OTX1: variants seen among roughly 807,000 people sequenced by gnomAD.
The protein encoded by OTX1 is homeobox protein OTX1.
A neutral mutation model predicts 26.7 loss-of-function variants in OTX1; 7 were observed. The observed-to-expected ratio is 0.26, with a 90% CI of 0.15 to 0.49. The LOEUF is 0.49. Among genes scored for constraint, OTX1 ranks in the 20% least tolerant of loss-of-function variants. The pLI is 0.98. For synonymous variants in OTX1, 216 were observed against 212.8 expected (o/e 1.01, Z -0.13); for missense variants, 414 against 483.8 (o/e 0.86, Z 1.35).
rs1451735528 is a variant in OTX1 at position 63,054,147 on chromosome 2, C to T, written c.198C>T (p.Phe66=). ...CCAAGACTCGCTACCCTGACATCTT[C>T]ATGCGGGAGGAGGTGGCGCTCAAGA... is the stretch of plus-strand genomic sequence containing the variant. ...LFAKTRYPDI[F]MREEVALKIN... The change falls in exon 4 of 5, where the codon TTC becomes TTT. Residue 66 remains phenylalanine (F), a synonymous_variant. Coordinates refer to ENST00000282549, the MANE Select transcript of OTX1 (RefSeq NM_014562.4). 6.2e-7 allele frequency: 1 copy of T among 1,611,606 alleles called. No individual in the cohort carries two copies.
rs2062055570 is a variant in OTX1, at chr2:63,055,344, G to T, written c.250-157G>T. On this transcript the variant is annotated intron_variant, in intron 4 of 4. Coordinates refer to ENST00000282549, the MANE Select transcript of OTX1 (RefSeq NM_014562.4). This position sits in a 1 kb window ranked among gnomAD's most constrained non-coding sequence, Gnocchi z 5.2. ...GTGGAGGAGCTGGGAACCGAGGTAG[G>T]GGGCAGGGTCTGGCCAGGCCAGAGA... Among the ~76,000 whole-genome samples, 1 of 152,222 alleles carries T rather than the reference G, an allele frequency of 6.6e-6. No individual in the cohort carries two copies. Among genetic ancestry groups the T allele is most frequent in the African/African-American group, 2.4e-5 (1 of 41,460 alleles).
Position 63,056,343 on chromosome 2 carries a change from C to A in OTX1, c.*27C>A, listed in dbSNP as rs775767424. On this transcript the variant is annotated 3_prime_UTR_variant, in exon 5 of 5. Transcript: ENST00000282549. ...CCCAGGAATGAAAGAGGAGAAGAAA[C>A]GCAACTACCTGCGCCCTCCGTGGTC... 6.3e-7 allele frequency: 1 copy of A among 1,575,328 alleles called. No individual in the cohort carries two copies. Among genetic ancestry groups the A allele is most frequent in the South Asian group, 1.1e-5 (1 of 87,722 alleles).
At chr2:63,051,144 T>C (rs572713545) in intron 1 of OTX1, 105 bp from the exon 2 acceptor site, 5 of 152,274 alleles carry the variant, frequency 3.3e-5, no homozygotes, top group South Asian at 2.1e-4. Flanking sequence ...CACAAAGCCA[T>C]TGAAAAAAAA....
chr2:63,055,833 G>A lies in OTX1; in HGVS notation c.582G>A (p.Pro194=). Reference sequence around the variant, plus strand: ...CAGCGCCCGCGTCCGTGTCGGTGCCGGAGCCATTGGCCGCGCCTAGCAACA... The same window carrying A: ...CAGCGCCCGCGTCCGTGTCGGTGCCAGAGCCATTGGCCGCGCCTAGCAACA... ...PGSAPASVSV[P]EPLAAPSNTS... The change falls in exon 5 of 5, where the codon CCG becomes CCA. Residue 194 remains proline, a synonymous_variant. Coordinates refer to ENST00000282549, the MANE Select transcript of OTX1 (RefSeq NM_014562.4). This position sits in a 1 kb window ranked among gnomAD's most constrained non-coding sequence, Gnocchi z 5.2. The A allele has an allele frequency of 1.2e-6, 2 of 1,612,090 alleles. No homozygotes were observed. The highest frequency in any genetic ancestry group is 1.7e-6 in the Non-Finnish European group (2 of 1,179,764).
rs2062056058 is a variant in OTX1, at chr2:63,055,402, T to C, written c.250-99T>C. The C allele has an allele frequency of 1.5e-6, 2 of 1,304,094 alleles. No individual in the cohort carries two copies. Among genetic ancestry groups the C allele is most frequent in the African/African-American group, 1.5e-5 (1 of 67,590 alleles). The allele number at this position is 1,304,094 out of a possible 1,614,324, so 80.8% of individuals were successfully genotyped here. A position where few individuals can be genotyped will look rare whatever the true frequency, so the allele number is the denominator to read the frequency against. The stretch of plus-strand genomic sequence containing the variant: ...GGGCGGAGGCCTCGGTGAGAAAGGA[T>C]TGCGATATTCTGGACCGGGAGTTGG... On this transcript the variant is annotated intron_variant, in intron 4 of 4. Transcript: ENST00000282549. This position sits in a 1 kb window ranked among gnomAD's most constrained non-coding sequence, Gnocchi z 5.2.
At chr2:63,050,264 C>A (rs2062013823), upstream of OTX1, 1 of 152,194 alleles carries the variant, frequency 6.6e-6, no homozygotes, top group Admixed American at 6.5e-5. Context: ...AAGTAGCCTG[C>A]GCCGGCACGA....
chr2:63,055,880 T>C lies in OTX1; in HGVS notation c.629T>C (p.Val210Ala). ...AACACCTCGTGTATGCAGCGCTCCG[T>C]AGCTGCAGGCGCCGCCACCGCAGCA... ...PSNTSCMQRSVAAGAATAAAS... is the reference protein window; with the variant it reads ...PSNTSCMQRSAAAGAATAAAS... The change falls in exon 5 of 5, where the codon GTA becomes GCA. Residue 210 changes from valine (V) to alanine (A), a missense_variant. Physicochemically the swap from Val to Ala is moderately conservative, Grantham distance 64 (BLOSUM62 0). Coordinates refer to ENST00000282549, the MANE Select transcript of OTX1 (RefSeq NM_014562.4). The surrounding 1 kb of genome is among the most constrained non-coding windows in gnomAD (Gnocchi z 5.2). The C allele has an allele frequency of 1.2e-6, 2 of 1,612,118 alleles. No homozygotes were observed. Among genetic ancestry groups the C allele is most frequent in the Non-Finnish European group, 1.7e-6 (2 of 1,179,862 alleles).
rs1464567850 is a variant in OTX1 at position 63,054,190 on chromosome 2, A to G, written c.241A>G (p.Arg81Gly). The G allele has an allele frequency of 6.3e-7, 1 of 1,599,772 alleles. No homozygotes were observed. Among genetic ancestry groups the G allele is most frequent in the Non-Finnish European group, 8.5e-7 (1 of 1,172,256 alleles). ...GCTCAAGATCAACCTGCCGGAGTCT[A>G]GAGTCCAGGTGCGCACTCCCCGGGC... ...VALKINLPES[R>G]VQVWFKNRRA... The change falls in exon 4 of 5, where the codon AGA (arginine) becomes GGA (glycine). Residue 81 changes from arginine to glycine, a missense_variant. Coordinates refer to ENST00000282549, the MANE Select transcript of OTX1 (RefSeq NM_014562.4).
chr2:63,056,286 C>G lies in OTX1; in HGVS notation c.1035C>G (p.Asp345Glu), dbSNP rs754549846. Residue 345 changes from aspartate to glutamate, a missense_variant, in exon 5 of 5, where the codon GAC becomes GAG. Physicochemically the swap from Asp to Glu is conservative, Grantham distance 45. Coordinates refer to ENST00000282549, the MANE Select transcript of OTX1 (RefSeq NM_014562.4). ...FNSPDCLDYK[D>E]QASWRFQVL ...CCCCCGACTGTCTGGACTATAAGGACCAAGCCTCATGGCGGTTCCAGGTCT... is the reference window on the plus strand; with the variant it reads ...CCCCCGACTGTCTGGACTATAAGGAGCAAGCCTCATGGCGGTTCCAGGTCT... 2.5e-6 allele frequency: 4 copies of G among 1,613,678 alleles called. No individual in the cohort carries two copies. In the African/African-American group the frequency reaches 5.3e-5, roughly 22 times the overall value.
intron 1 of OTX1, 113 bp from the exon 2 acceptor site, chr2:63,051,136 C>T (rs1206194762): frequency 6.6e-6 from 1 of 152,320 alleles, no homozygotes; most frequent in Non-Finnish European, 1.5e-5. Flanking sequence ...AGGACACGCA[C>T]AAAGCCATTG....
In OTX1 at chr2:63,057,416, C is replaced by CT. The variant is rs2062076402; in HGVS notation, c.*1101dup. ...TGGGCAGGGGCGCAGGGCTGACCCC[C>CT]TCACCCGGTCTAAGCACAGGGTCGC... On this transcript the variant is annotated 3_prime_UTR_variant, in exon 5 of 5. Transcript: ENST00000282549. 5 of 152,212 alleles carry CT rather than the reference C, an allele frequency of 3.3e-5. No homozygotes were observed. Among genetic ancestry groups the CT allele is most frequent in the Admixed American group, 1.3e-4 (2 of 15,280 alleles). 9.4% of individuals were successfully genotyped at this position (152,212 alleles called of 1,614,324 possible).
At position 63,052,975 on chromosome 2, in the gene OTX1, C is replaced by T. The variant is rs768081039; in HGVS notation, c.-16C>T. The T allele has an allele frequency of 4.4e-6, 7 of 1,598,480 alleles. No homozygotes were observed. The highest frequency in any genetic ancestry group is 4.0e-5 in the African/African-American group (3 of 74,364). ...GCCCCCTGGATCCGTCGGGGCGCCT[C>T]CACCCAGCTGTTAGCATGATGTCTT... is the stretch of plus-strand genomic sequence containing the variant. On this transcript the variant is annotated 5_prime_UTR_variant, in exon 3 of 5. Coordinates refer to ENST00000282549, the MANE Select transcript of OTX1 (RefSeq NM_014562.4).
rs1190395793 is a variant in OTX1, at chr2:63,055,574, C to G, written c.323C>G (p.Ala108Gly). 1.2e-6 allele frequency: 2 copies of G among 1,614,162 alleles called. No homozygotes were observed. The highest frequency in any genetic ancestry group is 4.5e-5 in the East Asian group (2 of 44,880). Residue 108 changes from alanine (A) to glycine (G), a missense_variant, in exon 5 of 5, where the codon GCC (alanine) becomes GGC (glycine). Around this residue, in one of 3 missense-constraint regions of OTX1, gnomAD observed 320 missense variants for 347.9 expected, o/e 0.92. Coordinates refer to ENST00000282549, the MANE Select transcript of OTX1 (RefSeq NM_014562.4). This position sits in a 1 kb window ranked among gnomAD's most constrained non-coding sequence, Gnocchi z 5.2. ...QSGSGTKSRPAKKKSSPVRES... is the reference protein window; with the variant it reads ...QSGSGTKSRPGKKKSSPVRES... ...GGGAGCGGAACCAAGAGCCGCCCAG[C>G]CAAGAAGAAGTCCTCTCCAGTGCGG... is the stretch of plus-strand genomic sequence containing the variant.
At position 63,055,735 on chromosome 2, in the gene OTX1, G is replaced by A. The variant is rs1020625784; in HGVS notation, c.484G>A (p.Val162Met). 8.7e-6 allele frequency: 14 copies of A among 1,612,532 alleles called. No homozygotes were observed. The highest frequency in any genetic ancestry group is 1.3e-5 in the African/African-American group (1 of 74,940). ...GGCTGCGGGACTAGGTGGGAACCCG[G>A]TGGCGGCCGCGTCGTCGCTGAGTAC... is the stretch of plus-strand genomic sequence containing the variant. ...AAAAGLGGNP[V>M]AAASSLSTPA... Residue 162 changes from valine to methionine, a missense_variant, in exon 5 of 5, where the codon GTG becomes ATG. Physicochemically the swap from Val to Met is conservative, Grantham distance 21. Coordinates refer to ENST00000282549, the MANE Select transcript of OTX1 (RefSeq NM_014562.4). This position sits in a 1 kb window ranked among gnomAD's most constrained non-coding sequence, Gnocchi z 5.2.
Position 63,056,345 on chromosome 2 carries a change from C to T in OTX1, c.*29C>T. 1 of 1,567,092 alleles carries T rather than the reference C, an allele frequency of 6.4e-7. No homozygotes were observed. The highest frequency in any genetic ancestry group is 2.2e-5 in the East Asian group (1 of 44,478). ...CAGGAATGAAAGAGGAGAAGAAACG[C>T]AACTACCTGCGCCCTCCGTGGTCCC... On this transcript the variant is annotated 3_prime_UTR_variant, in exon 5 of 5. Transcript: ENST00000282549.
intron 4 of OTX1, among the ~76,000 whole-genome samples, chr2:63,054,437 G>C (rs2062049128): frequency 6.6e-6 from 1 of 152,368 alleles, no homozygotes; most frequent in African/African-American, 2.4e-5. Context: ...CTTCGGTGTC[G>C]GTATCGAAAG....
chr2:63,055,969 T>C lies in OTX1; in HGVS notation c.718T>C (p.Ser240Pro). ...CGGCCAAGGCTACCCTACGCCCTCC[T>C]CTTCCTACTTTGGCGGCGTGGACTG... ...SYGQGYPTPS[S>P]SYFGGVDCSS... The change falls in exon 5 of 5, where the codon TCT becomes CCT. Residue 240 changes from serine (S) to proline (P), a missense_variant. Transcript: ENST00000282549. The surrounding 1 kb of genome is among the most constrained non-coding windows in gnomAD (Gnocchi z 5.2). 1 of 1,613,662 alleles carries C rather than the reference T, an allele frequency of 6.2e-7. No homozygotes were observed. The highest frequency in any genetic ancestry group is 8.5e-7 in the Non-Finnish European group (1 of 1,180,030).
At chr2:63,051,225 T>A (rs1047337682) in intron 1 of OTX1, 24 bp from the exon 2 acceptor site, 3 of 152,394 alleles carry the variant, frequency 2.0e-5, no homozygotes, top group Admixed American at 6.5e-5. Flanking sequence ...GCCAGGGTAA[T>A]TCCAGTGCTG....
rs779460352 is a variant in OTX1 at position 63,055,607 on chromosome 2, C to T, written c.356C>T (p.Ser119Leu). The change falls in exon 5 of 5, where the codon TCG becomes TTG. Residue 119 changes from serine (S) to leucine (L), a missense_variant. Transcript: ENST00000282549. This position sits in a 1 kb window ranked among gnomAD's most constrained non-coding sequence, Gnocchi z 5.2. ...KKKSSPVRES[S>L]GSESSGQFTP... ...AAGTCCTCTCCAGTGCGGGAGAGCT[C>T]GGGCTCCGAAAGCAGTGGCCAATTC... The T allele has an allele frequency of 1.2e-6, 2 of 1,614,164 alleles. No homozygotes were observed. The highest frequency in any genetic ancestry group is 2.2e-5 in the East Asian group (1 of 44,880).
Sources: allele counts gnomAD v4.1 joint callset (sites outside exome capture counted in the v4.1 genomes callset), GRCh38; gene constraint gnomAD v4.1.1; regional missense constraint gnomAD v4.1.1; non-coding constraint Gnocchi (gnomAD v3.1); transcripts MANE v1.5; gene names NCBI Gene and HGNC (gene_info 2026-07-23, HGNC 2026-07-21).